The following FYN variants were observed in gnomAD, a reference collection of about 807,000 sequenced individuals.
FYN encodes the protein tyrosine-protein kinase Fyn.
In FYN, 10 loss-of-function variants were observed where a neutral mutation model predicts 70.2. The observed-to-expected ratio is 0.14, with a 90% CI of 0.09 to 0.24. FYN has a LOEUF of 0.24. Ranked by LOEUF, FYN falls within the 10% of genes least tolerant of loss-of-function variation. The pLI is 1.00. For missense variants in FYN, 319 were observed against 673.1 expected (o/e 0.47, Z 5.82); for synonymous variants, 236 against 248.6 (o/e 0.95, Z 0.48).
chr6:111,665,814 G>A (rs1797973486), intron 13 of FYN, among the ~76,000 whole-genome samples: 1 of 151,350 alleles, frequency 6.6e-6, no homozygotes, highest in Admixed American at 6.6e-5. Flanking sequence ...GTAGAGACAG[G>A]GTTTCACTAT....
intron 8 of FYN, among the ~76,000 whole-genome samples, chr6:111,701,340 C>T (rs1418000725): frequency 6.6e-6 from 1 of 152,148 alleles, no homozygotes; most frequent in East Asian, 1.9e-4. Flanking sequence ...GGTGGACAGA[C>T]CTCCCGCTCC....
intron 2 of FYN, among the ~76,000 whole-genome samples, chr6:111,833,466 T>A (rs1305164155): frequency 6.6e-6 from 1 of 152,210 alleles, no homozygotes; most frequent in African/African-American, 2.4e-5. Context: ...TGGCAGCATT[T>A]ACTACTCAGA....
intron 2 of FYN, among the ~76,000 whole-genome samples, chr6:111,842,776 T>C (rs906708500): frequency 6.6e-5 from 10 of 152,136 alleles, no homozygotes; most frequent in African/African-American, 9.7e-5. Flanking sequence ...AATTAGATTT[T>C]CCCCCCACAA....
At chr6:111,790,803 CA>C (rs1364924201) in intron 2 of FYN, among the ~76,000 whole-genome samples, 1 of 152,080 alleles carries the variant, frequency 6.6e-6, no homozygotes, top group Non-Finnish European at 1.5e-5. Flanking sequence ...TTTATTTCAT[CA>C]ACACAAATCT....
chr6:111,674,583 C>T lies in FYN; in HGVS notation c.1321G>A (p.Gly441Arg). 3 of 1,613,990 alleles carry T rather than the reference C, an allele frequency of 1.9e-6. No homozygotes were observed. The highest frequency in any genetic ancestry group is 2.5e-6 in the Non-Finnish European group (3 of 1,179,906). ...KWTAPEAALY[G>R]RFTIKSDVWS... ...ACGTCAGACTTGATTGTGAACCTCC[C>T]GTACAGGGCTGCCTCGGGGGCCGTC... The change falls in exon 13 of 14, where the codon GGG (glycine) becomes AGG (arginine). Residue 441 changes from glycine (G) to arginine (R), a missense_variant. Physicochemically the swap from Gly to Arg is moderately radical, Grantham distance 125. Around this residue, in one of 4 missense-constraint regions of FYN, gnomAD observed 64 missense variants for 223.0 expected, o/e 0.29. Transcript: ENST00000354650.
At chr6:111,766,253 C>G (rs1411705776) in intron 3 of FYN, among the ~76,000 whole-genome samples, 1 of 152,206 alleles carries the variant, frequency 6.6e-6, no homozygotes, top group African/African-American at 2.4e-5. Context: ...AGCAATGGAG[C>G]TCAGATGCAA....
At chr6:111,689,762 T>G (rs901184840) in intron 12 of FYN, among the ~76,000 whole-genome samples, 2 of 152,098 alleles carry the variant, frequency 1.3e-5, no homozygotes, top group African/African-American at 2.4e-5. Context: ...AAAAGGCTAT[T>G]TGTGGGGGTG....
chr6:111,864,965 G>A (rs1774064525), intron 1 of FYN, among the ~76,000 whole-genome samples: 1 of 152,172 alleles, frequency 6.6e-6, no homozygotes, highest in African/African-American at 2.4e-5. Context: ...ATGCCTCCGA[G>A]TTCAATAAAA....
In FYN at chr6:111,716,832, T is replaced by C. The variant is rs184159518; in HGVS notation, c.248-2389A>G. 5.6e-3 allele frequency among the ~76,000 whole-genome samples: 843 copies of C among 151,298 alleles called. 4 individuals are homozygous for C. The highest frequency in any genetic ancestry group is 0.019 in the South Asian group (91 of 4,748). On this transcript the variant is annotated intron_variant, in intron 4 of 13. Transcript: ENST00000354650. Reference sequence around the variant, plus strand: ...GGAGTTTCACTCTTGTCGCCCAGGCTGGAGTGCAGTGGCATAATCTCAGCT... The same window carrying C: ...GGAGTTTCACTCTTGTCGCCCAGGCCGGAGTGCAGTGGCATAATCTCAGCT...
chr6:111,719,648 C>T (rs954608803), intron 4 of FYN, 157 bp downstream of exon 4: 3 of 852,966 alleles, frequency 3.5e-6, no homozygotes, highest in African/African-American at 3.4e-5. Context: ...CAAACTCTGG[C>T]TTTTCTTACA....
At chr6:111,781,843 T>C (rs1771186260) in intron 2 of FYN, among the ~76,000 whole-genome samples, 1 of 152,214 alleles carries the variant, frequency 6.6e-6, no homozygotes, top group Non-Finnish European at 1.5e-5. Context: ...TGAACATCTT[T>C]CAATACTTAA....
intron 5 of FYN, chr6:111,708,247 A>G: frequency 2.3e-6 from 1 of 443,226 alleles, no homozygotes. Context: ...CTTATTTGTG[A>G]ATTAAGAATG....
chr6:111,850,195 C>T (rs1021588841), intron 1 of FYN, among the ~76,000 whole-genome samples: 3 of 152,098 alleles, frequency 2.0e-5, no homozygotes, highest in Non-Finnish European at 2.9e-5. Flanking sequence ...CATGATGAAT[C>T]CAAGATTTAA....
intron 1 of FYN, among the ~76,000 whole-genome samples, chr6:111,854,301 G>A (rs1381937594): frequency 1.3e-5 from 2 of 152,098 alleles, no homozygotes; most frequent in African/African-American, 4.8e-5. Flanking sequence ...CTTTCCAATC[G>A]TGGTGTAAGC....
chr6:111,855,008 G>T (rs1218646332), intron 1 of FYN, among the ~76,000 whole-genome samples: 2 of 152,004 alleles, frequency 1.3e-5, no homozygotes, highest in East Asian at 3.8e-4. Flanking sequence ...AATGTCTGTT[G>T]TTCCAAATTG....
chr6:111,675,149 C>T (rs1798475731), intron 12 of FYN, among the ~76,000 whole-genome samples: 1 of 152,164 alleles, frequency 6.6e-6, no homozygotes, highest in Non-Finnish European at 1.5e-5. Flanking sequence ...CCTCCAGCTC[C>T]TTCTCTCTCC....
chr6:111,764,256 GAAA>G (rs1421283732), intron 3 of FYN, among the ~76,000 whole-genome samples: 5 of 90,840 alleles, frequency 5.5e-5, no homozygotes, highest in African/African-American at 2.4e-4. Flanking sequence ...AAGAAAGAAA[GAAA>G]AAAGAAAAAA....
At chr6:111,678,093 C>T (rs1798613075) in intron 12 of FYN, among the ~76,000 whole-genome samples, 1 of 135,620 alleles carries the variant, frequency 7.4e-6, no homozygotes, top group Admixed American at 7.5e-5. Context: ...TAAGCCAATA[C>T]ACGAAGGCCA....
intron 13 of FYN, among the ~76,000 whole-genome samples, chr6:111,667,791 G>A (rs1370544477): frequency 6.6e-6 from 1 of 152,230 alleles, no homozygotes; most frequent in Admixed American, 6.5e-5. Flanking sequence ...CATTTGTGCA[G>A]CTTCCCAATA....
Sources: allele counts gnomAD v4.1 joint callset (sites outside exome capture counted in the v4.1 genomes callset), GRCh38; gene constraint gnomAD v4.1.1; regional missense constraint gnomAD v4.1.1; transcripts MANE v1.5; gene names NCBI Gene and HGNC (gene_info 2026-07-23, HGNC 2026-07-21).